The following SF3B6 variants were observed in gnomAD, a reference collection of about 807,000 sequenced individuals.
The protein encoded by SF3B6 is splicing factor 3b subunit 6, also known as SF3b 14 kDa subunit.
A neutral mutation model predicts 15.9 loss-of-function variants in SF3B6; 3 were observed. The observed-to-expected ratio is 0.19, with a 90% CI of 0.09 to 0.49. The LOEUF (loss-of-function observed/expected upper bound fraction) is 0.49. Ranked by LOEUF, SF3B6 falls within the 20% of genes least tolerant of loss-of-function variation. The pLI, the probability that SF3B6 is intolerant of heterozygous loss-of-function variation, is 0.97. For missense variants in SF3B6, 71 were observed against 154.3 expected (o/e 0.46, Z 2.86); for synonymous variants, 49 against 51.1 (o/e 0.96, Z 0.18).
Position 24,074,112 on chromosome 2 carries a change from A to G in SF3B6, c.113T>C (p.Ile38Thr). 1.2e-6 allele frequency: 2 copies of G among 1,605,134 alleles called. No homozygotes were observed. Among genetic ancestry groups the G allele is most frequent in the African/African-American group, 1.3e-5 (1 of 74,876 alleles). ...YKITAEEMYD[I>T]FGKYGPIRQI... The stretch of plus-strand genomic sequence containing the variant: ...ACGAATAGGTCCATATTTCCCAAAT[A>G]TATCATACATTTCTTCAGCTGTGAT... Residue 38 changes from isoleucine (I) to threonine (T), a missense_variant, in exon 2 of 4, where the codon ATA becomes ACA. Around this residue, in one of 3 missense-constraint regions of SF3B6, gnomAD observed 52 missense variants for 113.2 expected, o/e 0.46. Transcript: ENST00000233468.
rs962093824 is a variant in SF3B6 at position 24,067,710 on chromosome 2, G to A, written c.*52C>T. On this transcript the variant is annotated 3_prime_UTR_variant, in exon 4 of 4. Transcript: ENST00000233468. ...TAGTATTAATTAAAAAGGAAAAAAA[G>A]GTGGTAGTTGTCATTCGTGGGATTT... is the stretch of plus-strand genomic sequence containing the variant. 1 of 1,417,878 alleles carries A rather than the reference G, an allele frequency of 7.1e-7. No individual in the cohort carries two copies. The highest frequency in any genetic ancestry group is 1.4e-5 in the African/African-American group (1 of 70,108). The allele number at this position is 1,417,878 out of a possible 1,614,324, so 87.8% of individuals were successfully genotyped here. A position where few individuals can be genotyped will look rare whatever the true frequency, so the allele number is the denominator to read the frequency against.
Position 24,068,389 on chromosome 2 carries a change from A to T in SF3B6, c.220T>A (p.Cys74Ser). 1 of 1,614,178 alleles carries T rather than the reference A, an allele frequency of 6.2e-7. No individual in the cohort carries two copies. Among genetic ancestry groups the T allele is most frequent in the Admixed American group, 1.7e-5 (1 of 60,020 alleles). ...ACATTGAATCCCGATAGGTGATCACATGCATTCTTGGCATCAAAGATGTCC... is the reference window on the plus strand; with the variant it reads ...ACATTGAATCCCGATAGGTGATCACTTGCATTCTTGGCATCAAAGATGTCC... ...YEDIFDAKNA[C>S]DHLSGFNVCN... The change falls in exon 3 of 4, where the codon TGT (cysteine) becomes AGT (serine). Residue 74 changes from cysteine to serine, a missense_variant. By Grantham distance (112) the Cys-to-Ser change is moderately radical. Around this residue, in one of 3 missense-constraint regions of SF3B6, gnomAD observed 52 missense variants for 113.2 expected, o/e 0.46. Transcript: ENST00000233468.
At position 24,068,463 on chromosome 2, in the gene SF3B6, G is replaced by A; in HGVS notation, c.150-4C>T. 1.9e-6 allele frequency: 3 copies of A among 1,605,164 alleles called. No homozygotes were observed. The highest frequency in any genetic ancestry group is 2.6e-6 in the Non-Finnish European group (3 of 1,176,354). ...TCTAGTTTCAGGTGTGTTCCCCCTG[G>A]AGAGGTAAGTTAAACTTAATTAAGA... On this transcript the variant is annotated splice_polypyrimidine_tract_variant and splice_region_variant and intron_variant, in intron 2 of 3. Transcript: ENST00000233468.
chr2:24,071,926 A>G (rs1344703607), intron 2 of SF3B6, among the ~76,000 whole-genome samples: 1 of 152,212 alleles, frequency 6.6e-6, no homozygotes, highest in Non-Finnish European at 1.5e-5. Context: ...AGTACTATCA[A>G]TAAATTTTAT....
At chr2:24,070,532 C>A (rs1350784847) in intron 2 of SF3B6, among the ~76,000 whole-genome samples, 1 of 152,188 alleles carries the variant, frequency 6.6e-6, no homozygotes, top group Non-Finnish European at 1.5e-5. Context: ...CTATCACGTG[C>A]CCTACCTTCC....
At chr2:24,072,111 T>C (rs1007762980) in intron 2 of SF3B6, among the ~76,000 whole-genome samples, 3 of 152,230 alleles carry the variant, frequency 2.0e-5, no homozygotes, top group East Asian at 1.9e-4. Context: ...TTGAGCCTCC[T>C]GAGTAATTGC....
At chr2:24,068,113 G>A (rs1368311336) in intron 3 of SF3B6, among the ~76,000 whole-genome samples, 1 of 152,086 alleles carries the variant, frequency 6.6e-6, no homozygotes, top group Non-Finnish European at 1.5e-5. Flanking sequence ...ACAGGCGCCC[G>A]CCACCACGCC....
intron 2 of SF3B6, among the ~76,000 whole-genome samples, chr2:24,073,177 G>A (rs1166222455): frequency 6.6e-6 from 1 of 152,198 alleles, no homozygotes; most frequent in Non-Finnish European, 1.5e-5. Flanking sequence ...AAGCCAGGAA[G>A]GAGCTCTCAA....
chr2:24,074,017 A>G (rs1348772930), intron 2 of SF3B6, 59 bp downstream of exon 2: 26 of 1,121,882 alleles, frequency 2.3e-5, no homozygotes, highest in East Asian at 7.1e-5. Flanking sequence ...ATCGTCAGCT[A>G]TAATTCTGAA....
intron 2 of SF3B6, among the ~76,000 whole-genome samples, chr2:24,073,486 T>C (rs72783614): frequency 0.014 from 2,162 of 152,338 alleles, 32 homozygotes; most frequent in Non-Finnish European, 0.024. Flanking sequence ...TGGTATTCAG[T>C]AGATGTCCAG....
chr2:24,075,075 G>A (rs1157776170), intron 1 of SF3B6, among the ~76,000 whole-genome samples: 1 of 152,158 alleles, frequency 6.6e-6, no homozygotes, highest in Non-Finnish European at 1.5e-5. Context: ...GTTGCAGTGA[G>A]CCAAGACTGT....
At chr2:24,068,199 G>A (rs1007353421) in intron 3 of SF3B6, 122 bp downstream of exon 3, 157 of 921,846 alleles carry the variant, frequency 1.7e-4, no homozygotes, top group Non-Finnish European at 2.4e-4. Flanking sequence ...TCCTGACCTC[G>A]TGATCCGCCC....
In SF3B6 at chr2:24,067,751, G is replaced by A; in HGVS notation, c.*11C>T. The stretch of plus-strand genomic sequence containing the variant: ...CGTGGGATTTAGTCCAAATGAAAAT[G>A]TAGAAAACATTTATTTTGGTGGATC... On this transcript the variant is annotated 3_prime_UTR_variant, in exon 4 of 4. Transcript: ENST00000233468. 1.2e-6 allele frequency: 2 copies of A among 1,606,932 alleles called. No individual in the cohort carries two copies. Among genetic ancestry groups the A allele is most frequent in the Non-Finnish European group, 1.7e-6 (2 of 1,175,076 alleles).
chr2:24,071,322 C>A (rs13392758), intron 2 of SF3B6, among the ~76,000 whole-genome samples: 1 of 152,272 alleles, frequency 6.6e-6, no homozygotes, highest in Non-Finnish European at 1.5e-5. Flanking sequence ...AGAAATGTTT[C>A]GGCTTGGCAC....
intron 1 of SF3B6, among the ~76,000 whole-genome samples, chr2:24,075,935 C>A (rs1664737201): frequency 6.6e-6 from 1 of 151,860 alleles, no homozygotes; most frequent in African/African-American, 2.4e-5. Flanking sequence ...TCCTTAGGTG[C>A]GGGTCAAGCA....
At chr2:24,076,104 C>T in intron 1 of SF3B6, 96 bp downstream of exon 1, 3 of 1,494,966 alleles carry the variant, frequency 2.0e-6, no homozygotes, top group South Asian at 1.1e-5. Flanking sequence ...GTTCTCCGCT[C>T]TGGGGACGGA....
chr2:24,072,005 C>G (rs369933814), intron 2 of SF3B6, among the ~76,000 whole-genome samples: 1 of 152,134 alleles, frequency 6.6e-6, no homozygotes, highest in East Asian at 1.9e-4. Context: ...TTTGTTGAAA[C>G]AGGATCTCAC....
Position 24,068,469 on chromosome 2 carries a change from T to C in SF3B6, c.150-10A>G. 1.3e-6 allele frequency: 2 copies of C among 1,599,442 alleles called. No homozygotes were observed. The highest frequency in any genetic ancestry group is 1.7e-6 in the Non-Finnish European group (2 of 1,173,354). ...TTCAGGTGTGTTCCCCCTGGAGAGG[T>C]AAGTTAAACTTAATTAAGATATACA... On this transcript the variant is annotated splice_polypyrimidine_tract_variant and intron_variant, in intron 2 of 3. Transcript: ENST00000233468.
chr2:24,068,467 GGTAA>G lies in SF3B6; in HGVS notation c.150-12_150-9del, dbSNP rs1438403692. 2 of 1,600,320 alleles carry G rather than the reference GGTAA, an allele frequency of 1.2e-6. No homozygotes were observed. Among genetic ancestry groups the G allele is most frequent in the African/African-American group, 2.7e-5 (2 of 74,410 alleles). ...GTTTCAGGTGTGTTCCCCCTGGAGA[GGTAA>G]GTTAAACTTAATTAAGATATACATT... is the stretch of plus-strand genomic sequence containing the variant. On this transcript the variant is annotated splice_polypyrimidine_tract_variant and intron_variant, in intron 2 of 3. Coordinates refer to ENST00000233468, the MANE Select transcript of SF3B6 (RefSeq NM_016047.4).
Sources: allele counts gnomAD v4.1 joint callset (sites outside exome capture counted in the v4.1 genomes callset), GRCh38; gene constraint gnomAD v4.1.1; regional missense constraint gnomAD v4.1.1; transcripts MANE v1.5; gene names NCBI Gene and HGNC (gene_info 2026-07-23, HGNC 2026-07-21).